Variants in LARP4B observed in about 807,000 individuals in gnomAD.
LARP4B encodes the protein La ribonucleoprotein 4B.
LARP4B carries 12 observed loss-of-function variants against 89.8 expected under a neutral mutation model. That is an observed-to-expected ratio of 0.13 (90% confidence interval 0.09 to 0.22). LARP4B has a LOEUF of 0.22. LARP4B is among the 10% of genes least tolerant of loss of function. The probability of loss-of-function intolerance (pLI) is 1.00; values close to 1 mark genes in which losing one functional copy is unlikely to be tolerated. For synonymous variants in LARP4B, 367 were observed against 363.3 expected (o/e 1.01, Z -0.12); for missense variants, 757 against 947.7 (o/e 0.80, Z 2.64).
chr10:848,695 T>C (rs1414533340), intron 5 of LARP4B, among the ~76,000 whole-genome samples: 9 of 151,714 alleles, frequency 5.9e-5, no homozygotes. Context: ...TAACAGAAGC[T>C]TCCCAAAATC....
upstream of LARP4B, chr10:933,200 C>G (rs2132081152): frequency 6.6e-6 from 1 of 152,352 alleles, no homozygotes; most frequent in South Asian, 2.1e-4. Context: ...ATCAATTATT[C>G]CAAATTTTAG....
chr10:918,941 C>G (rs1002156387), intron 1 of LARP4B, among the ~76,000 whole-genome samples: 1 of 150,882 alleles, frequency 6.6e-6, no homozygotes, highest in Admixed American at 6.6e-5. Flanking sequence ...ATTAGCTGGG[C>G]GTGGTGGCGG....
At chr10:928,935 A>C (rs764961338) in intron 1 of LARP4B, among the ~76,000 whole-genome samples, 6 of 152,172 alleles carry the variant, frequency 3.9e-5, no homozygotes, top group Non-Finnish European at 7.3e-5. Context: ...AAACACCTTA[A>C]ATATATACTT....
chr10:964,558 G>C, the LARP4B span, among the ~76,000 whole-genome samples: 1 of 152,154 alleles, frequency 6.6e-6, no homozygotes, highest in Non-Finnish European at 1.5e-5. Context: ...ATAAAAACTG[G>C]AATGTGCTGA....
intron 7 of LARP4B, among the ~76,000 whole-genome samples, chr10:840,776 T>C (rs904486128): frequency 6.6e-6 from 1 of 152,180 alleles, no homozygotes; most frequent in East Asian, 1.9e-4. Flanking sequence ...TGAGTTTAAT[T>C]TGTAAAAAGA....
At chr10:889,494 G>A (rs1169500404) in intron 1 of LARP4B, among the ~76,000 whole-genome samples, 1 of 152,220 alleles carries the variant, frequency 6.6e-6, no homozygotes, top group Non-Finnish European at 1.5e-5. Flanking sequence ...CGCAGACATG[G>A]AGAGAACGTG....
intron 1 of LARP4B, among the ~76,000 whole-genome samples, chr10:913,827 T>G (rs954866038): frequency 1.3e-5 from 2 of 152,202 alleles, no homozygotes; most frequent in South Asian, 4.1e-4. Flanking sequence ...GAGTATCACT[T>G]AAACCCAGGA....
the LARP4B span, among the ~76,000 whole-genome samples, chr10:982,223 T>C: frequency 6.6e-6 from 1 of 151,484 alleles, no homozygotes; most frequent in Non-Finnish European, 1.5e-5. Context: ...ATTTTCCTGC[T>C]TCAGCCTACA....
Position 843,923 on chromosome 10 carries a change from T to G in LARP4B, c.510-855A>C, listed in dbSNP as rs55934920. On this transcript the variant is annotated intron_variant, in intron 6 of 17. Coordinates refer to ENST00000316157, the MANE Select transcript of LARP4B (RefSeq NM_015155.3). Reference sequence around the variant, plus strand: ...AAATCCAAAGGTGAGCCACAAATCATCAGCAGTTTGGGCCATGATGAGCTA... The same window carrying G: ...AAATCCAAAGGTGAGCCACAAATCAGCAGCAGTTTGGGCCATGATGAGCTA... 5.9e-3 allele frequency among the ~76,000 whole-genome samples: 897 copies of G among 152,318 alleles called. 15 individuals carry two copies. The highest frequency in any genetic ancestry group is 0.021 in the African/African-American group (854 of 41,566).
chr10:821,610 T>C (rs542041610), intron 13 of LARP4B, among the ~76,000 whole-genome samples: 96 of 152,324 alleles, frequency 6.3e-4, no homozygotes, highest in Non-Finnish European at 9.8e-4. Context: ...GATAATTTAA[T>C]GGAATGCAAA....
At chr10:986,269 C>T in the LARP4B span, 1 of 152,228 alleles carries the variant, frequency 6.6e-6, no homozygotes, top group Non-Finnish European at 1.5e-5. Flanking sequence ...GCATCCTTTA[C>T]TACAGCTGAG....
rs555475020 is a variant in LARP4B at position 851,192 on chromosome 10, T to C, written c.431-6137A>G. On this transcript the variant is annotated intron_variant, in intron 5 of 17. Coordinates refer to ENST00000316157, the MANE Select transcript of LARP4B (RefSeq NM_015155.3). ...ATGAAAACACTAACTTTTTTTTTTT[T>C]TTTTTTTTTGAGATGGAGTTTCGCT... 2.7e-5 allele frequency among the ~76,000 whole-genome samples: 4 copies of C among 150,350 alleles called. No homozygotes were observed. The East Asian group carries it at 7.8e-4, about 29-fold the overall frequency.
At chr10:808,724 C>CAT (rs1554784822), downstream of LARP4B, 5 of 147,668 alleles carry the variant, frequency 3.4e-5, no homozygotes, top group African/African-American at 1.2e-4. Context: ...GGATTAAAAG[C>CAT]GTGTGTGTGT....
At chr10:976,237 C>G in the LARP4B span, among the ~76,000 whole-genome samples, 1 of 133,498 alleles carries the variant, frequency 7.5e-6, no homozygotes, top group East Asian at 2.4e-4. Flanking sequence ...TATCATGCAA[C>G]GTGTGGACCC....
At chr10:930,129 G>A (rs1837258360) in intron 1 of LARP4B, among the ~76,000 whole-genome samples, 4 of 151,690 alleles carry the variant, frequency 2.6e-5, no homozygotes, top group Admixed American at 2.0e-4. Context: ...AGAAAAAAGA[G>A]GACACCACTC....
At chr10:837,995 A>G (rs1483332404) in intron 7 of LARP4B, among the ~76,000 whole-genome samples, 1 of 152,226 alleles carries the variant, frequency 6.6e-6, no homozygotes, top group Non-Finnish European at 1.5e-5. Context: ...CGTGTAATAC[A>G]TATTTAAGTG....
At chr10:817,257 G>A (rs1188993683) in intron 15 of LARP4B, among the ~76,000 whole-genome samples, 1 of 152,210 alleles carries the variant, frequency 6.6e-6, no homozygotes, top group Non-Finnish European at 1.5e-5. Flanking sequence ...AGTGGAGGCG[G>A]CACCTCGTGG....
At chr10:865,346 T>C (rs1834845725) in intron 3 of LARP4B, among the ~76,000 whole-genome samples, 1 of 152,204 alleles carries the variant, frequency 6.6e-6, no homozygotes, top group South Asian at 2.1e-4. Flanking sequence ...TCGGCCATCA[T>C]GACAGTCACG....
chr10:904,587 AAAAATAAATAAATAAAATG>A (rs1182683002), intron 1 of LARP4B, among the ~76,000 whole-genome samples: 2 of 151,910 alleles, frequency 1.3e-5, no homozygotes, highest in East Asian at 3.9e-4. Context: ...AAAATAAAAT[AAAAATAAATAAATAAAATG>A]AAATAAAATA....
Sources: gnomAD v4.1 joint callset for allele counts (sites outside exome capture counted in the v4.1 genomes callset) on GRCh38, gnomAD v4.1.1 for gene constraint, MANE v1.5 for transcripts, NCBI Gene and HGNC (gene_info 2026-07-23, HGNC 2026-07-21) for gene names.